The following EIF4G3 variants were observed in gnomAD, a reference collection of about 807,000 sequenced individuals.
The protein encoded by EIF4G3 is eIF-4-gamma 3.
EIF4G3 carries 34 observed loss-of-function variants against 186.4 expected under a neutral mutation model. That is an observed-to-expected ratio of 0.18 (90% CI 0.14 to 0.24). The LOEUF is 0.24. Among genes scored for constraint, EIF4G3 ranks in the 10% least tolerant of loss-of-function variants. EIF4G3 has a pLI of 1.00. For missense variants in EIF4G3, 1,536 were observed against 1,948.5 expected, an observed-to-expected ratio of 0.79 and a Z score of 3.99; for synonymous variants, 673 against 679.5, an observed-to-expected ratio of 0.99 and a Z score of 0.15.
At chr1:21,078,034 A>G (rs2095643910) in intron 3 of EIF4G3, among the ~76,000 whole-genome samples, 1 of 152,216 alleles carries the variant, frequency 6.6e-6, no homozygotes, top group Non-Finnish European at 1.5e-5. Flanking sequence ...CATATGATCC[A>G]GCAATCTCAC....
chr1:21,069,863 G>A (rs2095390880), intron 3 of EIF4G3, among the ~76,000 whole-genome samples: 1 of 152,204 alleles, frequency 6.6e-6, no homozygotes, highest in Non-Finnish European at 1.5e-5. Context: ...AAGAGGATGA[G>A]CTAATCATGG....
intron 12 of EIF4G3, among the ~76,000 whole-genome samples, chr1:20,962,923 T>G (rs1251723847): frequency 1.1e-4 from 16 of 150,900 alleles, no homozygotes; most frequent in Admixed American, 6.6e-4. Flanking sequence ...TTTTTTGTTT[T>G]TTTTTTTTTT....
In EIF4G3 at chr1:20,827,679, G is replaced by A. The variant is rs2063973775; in HGVS notation, c.4207C>T (p.Leu1403Phe). 1 of 1,611,624 alleles carries A rather than the reference G, an allele frequency of 6.2e-7. No homozygotes were observed. Among genetic ancestry groups the A allele is most frequent in the African/African-American group, 1.3e-5 (1 of 74,984 alleles). Residue 1403 changes from leucine to phenylalanine, a missense_variant, in exon 32 of 37, where the codon CTT becomes TTT. Leu to Phe is a conservative substitution (Grantham distance 22, BLOSUM62 0). This residue lies in a region of EIF4G3 where 395 missense variants were observed against 498.9 expected (regional missense o/e 0.79). Transcript: ENST00000602326. ...ELTIEFSKPL[L>F]PVGRAGVLLS... ...AAGACCCCAGCTCTTCCAACAGGAA[G>A]TAAAGGTTTGCTAAATTCTCTGTAA...
chr1:21,009,883 G>T lies in EIF4G3; in HGVS notation c.-66-7075C>A, dbSNP rs762885509. ...TTGGCAAGGCTGGTCTCAAACTCCT[G>T]ACCTTGTGATCTGCCCGCCTCGGCC... On this transcript the variant is annotated intron_variant, in intron 4 of 36. Coordinates refer to ENST00000602326, the MANE Select transcript of EIF4G3 (RefSeq NM_001391906.1). 2.0e-3 allele frequency among the ~76,000 whole-genome samples: 310 copies of T among 151,730 alleles called. 1 individual carries two copies. The highest frequency in any genetic ancestry group is 3.5e-3 in the Non-Finnish European group (240 of 67,884).
chr1:20,918,508 A>G (rs10916901), intron 14 of EIF4G3, among the ~76,000 whole-genome samples: 5,002 of 152,082 alleles, frequency 0.033, 277 homozygotes, highest in African/African-American at 0.11. Context: ...GCACCTAGCC[A>G]CAAGTTTATC....
At chr1:21,055,668 C>T (rs758649340) in intron 3 of EIF4G3, among the ~76,000 whole-genome samples, 22 of 152,018 alleles carry the variant, frequency 1.4e-4, no homozygotes, top group Non-Finnish European at 2.4e-4. Flanking sequence ...AAGAAAATCT[C>T]ACCTCAAAAA....
rs542362256 is a variant in EIF4G3 at position 20,972,253 on chromosome 1, T to A, written c.591+749A>T. Among the ~76,000 whole-genome samples, 4 of 152,300 alleles carry A rather than the reference T, an allele frequency of 2.6e-5. No homozygotes were observed. In the South Asian group the frequency reaches 6.2e-4, roughly 24 times the overall value. ...AAAGATATCTATTTCACAGGAAGGATTTTTCTTGCTATCCTTAATATCTCA... is the reference window on the plus strand; with the variant it reads ...AAAGATATCTATTTCACAGGAAGGAATTTTCTTGCTATCCTTAATATCTCA... On this transcript the variant is annotated intron_variant, in intron 11 of 36. Coordinates refer to ENST00000602326, the MANE Select transcript of EIF4G3 (RefSeq NM_001391906.1).
intron 33 of EIF4G3, among the ~76,000 whole-genome samples, chr1:20,817,986 A>G (rs565466811): frequency 6.6e-6 from 1 of 152,266 alleles, no homozygotes; most frequent in Admixed American, 6.5e-5. Context: ...TTCGTATTAT[A>G]GTTTTGAAAA....
intron 2 of EIF4G3, among the ~76,000 whole-genome samples, chr1:21,123,676 G>T (rs2096968776): frequency 6.6e-6 from 1 of 152,268 alleles, no homozygotes; most frequent in African/African-American, 2.4e-5. Context: ...GAAGTGAGTG[G>T]CAGGAAAAGA....
chr1:20,851,560 C>T, intron 27 of EIF4G3, 82 bp from the exon 28 acceptor site: 1 of 1,339,678 alleles, frequency 7.5e-7, no homozygotes, highest in South Asian at 1.3e-5. Flanking sequence ...AACACTAAGA[C>T]TTTCTGAAAG....
At chr1:20,939,528 C>T (rs1367059205) in intron 14 of EIF4G3, among the ~76,000 whole-genome samples, 2 of 152,096 alleles carry the variant, frequency 1.3e-5, no homozygotes, top group Non-Finnish European at 1.5e-5. Context: ...ATCTAAGTGG[C>T]AAACTGATGT....
At chr1:20,912,264 G>A (rs1017207115) in intron 14 of EIF4G3, among the ~76,000 whole-genome samples, 1 of 152,208 alleles carries the variant, frequency 6.6e-6, no homozygotes, top group African/African-American at 2.4e-5. Context: ...GTGAAAGAGT[G>A]AGACTTGGTC....
chr1:20,888,923 C>T (rs1015289570), intron 18 of EIF4G3, among the ~76,000 whole-genome samples: 9 of 152,042 alleles, frequency 5.9e-5, no homozygotes, highest in African/African-American at 2.2e-4. Context: ...GGATCCTGTG[C>T]TAAGAGGTAT....
intron 14 of EIF4G3, among the ~76,000 whole-genome samples, chr1:20,930,129 C>A (rs1428718274): frequency 6.6e-6 from 1 of 152,154 alleles, no homozygotes; most frequent in Non-Finnish European, 1.5e-5. Context: ...TACTAATGAT[C>A]ATCTCAGCCC....
intron 2 of EIF4G3, among the ~76,000 whole-genome samples, chr1:21,109,344 T>C (rs949196929): frequency 5.9e-5 from 9 of 152,042 alleles, no homozygotes; most frequent in African/African-American, 2.2e-4. Flanking sequence ...AAAACACAAA[T>C]AATAGAATAT....
chr1:20,966,231 GT>G (rs1349837567), intron 12 of EIF4G3, among the ~76,000 whole-genome samples: 1 of 152,160 alleles, frequency 6.6e-6, no homozygotes, highest in Non-Finnish European at 1.5e-5. Flanking sequence ...AGTATTTACT[GT>G]TGAATCCTAA....
In EIF4G3 at chr1:20,860,521, T is replaced by C. The variant is rs756635454; in HGVS notation, c.3112-4A>G. On this transcript the variant is annotated splice_region_variant and splice_polypyrimidine_tract_variant and intron_variant, in intron 23 of 36. Coordinates refer to ENST00000602326, the MANE Select transcript of EIF4G3 (RefSeq NM_001391906.1). ...CTCTTCGAGATACCCAATTGCACTA[T>C]AAAAGCAGAAAATAAGGTTATCTGC... 4.3e-6 allele frequency: 7 copies of C among 1,610,654 alleles called. No individual in the cohort carries two copies. The highest frequency in any genetic ancestry group is 5.9e-6 in the Non-Finnish European group (7 of 1,179,100).
At chr1:21,036,534 A>C (rs1477893116) in intron 4 of EIF4G3, among the ~76,000 whole-genome samples, 2 of 152,170 alleles carry the variant, frequency 1.3e-5, no homozygotes, top group African/African-American at 4.8e-5. Context: ...AATCAGTTAC[A>C]CAGAGATGGT....
chr1:21,079,405 C>A (rs1486962960), intron 3 of EIF4G3, among the ~76,000 whole-genome samples: 1 of 150,968 alleles, frequency 6.6e-6, no homozygotes, highest in Non-Finnish European at 1.5e-5. Flanking sequence ...CAGTGGCTCA[C>A]ACCTATAATC....
Sources: allele counts gnomAD v4.1 joint callset (sites outside exome capture counted in the v4.1 genomes callset), GRCh38; gene constraint gnomAD v4.1.1; regional missense constraint gnomAD v4.1.1; transcripts MANE v1.5; gene names NCBI Gene and HGNC (gene_info 2026-07-23, HGNC 2026-07-21).